GRIA3: variants seen among roughly 807,000 people sequenced by gnomAD.
The protein encoded by GRIA3 is glutamate receptor 3.
In GRIA3, 3 loss-of-function variants were observed where a neutral mutation model predicts 63.0. That is an observed-to-expected ratio of 0.05 (90% CI 0.02 to 0.12). GRIA3 has a LOEUF of 0.12. GRIA3 is among the 10% of genes least tolerant of loss of function. The probability of loss-of-function intolerance (pLI) is 1.00; values close to 1 mark genes in which losing one functional copy is unlikely to be tolerated. For synonymous variants in GRIA3, 274 were observed against 257.9 expected (o/e 1.06, Z -0.60); for missense variants, 347 against 700.9 (o/e 0.50, Z 5.70).
rs937935964 is a variant in GRIA3, at chrX:123,331,541, C to T, written c.696+5328C>T. 2.7e-5 allele frequency among the ~76,000 whole-genome samples: 3 copies of T among 111,236 alleles called. No individual in the cohort carries two copies. The Admixed American group carries it at 2.9e-4, about 11-fold the overall frequency. On this transcript the variant is annotated intron_variant, in intron 4 of 15. Coordinates refer to ENST00000620443, the MANE Select transcript of GRIA3 (RefSeq NM_007325.5). Reference sequence around the variant, plus strand: ...GACAAGTGAAGCAAAAATGTTATAGCTACATGCTTGCTCCCTGCCTCACCC... The same window carrying T: ...GACAAGTGAAGCAAAAATGTTATAGTTACATGCTTGCTCCCTGCCTCACCC...
chrX:123,377,701 T>C (rs192386111), intron 5 of GRIA3, among the ~76,000 whole-genome samples: 62 of 111,873 alleles, frequency 5.5e-4, no homozygotes, highest in African/African-American at 1.9e-3. Context: ...TTTTTGTCTT[T>C]GTGCCAAACT....
At chrX:123,214,553 G>A (rs954347126) in intron 2 of GRIA3, among the ~76,000 whole-genome samples, 2 of 111,448 alleles carry the variant, frequency 1.8e-5, no homozygotes, top group Non-Finnish European at 3.8e-5. Flanking sequence ...GCAGGGAATA[G>A]TAGTCTCCAT....
At chrX:123,316,745 G>C (rs1171730340) in intron 3 of GRIA3, among the ~76,000 whole-genome samples, 1 of 112,205 alleles carries the variant, frequency 8.9e-6, no homozygotes, top group Non-Finnish European at 1.9e-5. Context: ...ATGATATAAT[G>C]CTAGATTTTT....
chrX:123,347,181 G>A (rs2045056604), intron 4 of GRIA3, among the ~76,000 whole-genome samples: 1 of 112,080 alleles, frequency 8.9e-6, no homozygotes, highest in African/African-American at 3.2e-5. Context: ...TCAGAAAGGT[G>A]GATGAGCTGG....
intron 12 of GRIA3, among the ~76,000 whole-genome samples, chrX:123,457,629 G>A (rs949412107): frequency 2.6e-4 from 29 of 112,360 alleles, no homozygotes; most frequent in African/African-American, 9.4e-4. Context: ...CACCAATACT[G>A]TCTTTACAAA....
chrX:123,323,296 T>C (rs1420656072), intron 3 of GRIA3, among the ~76,000 whole-genome samples: 1 of 112,169 alleles, frequency 8.9e-6, no homozygotes, highest in Non-Finnish European at 1.9e-5. Flanking sequence ...GCTTGTTTTT[T>C]CTATTATTAC....
At chrX:123,334,847 G>T (rs1206447252) in intron 4 of GRIA3, among the ~76,000 whole-genome samples, 1 of 110,462 alleles carries the variant, frequency 9.1e-6, no homozygotes, top group African/African-American at 3.3e-5. Flanking sequence ...TATGGAATAT[G>T]ATGGTCTTTT....
In GRIA3 at chrX:123,465,286, A is replaced by C. The variant is rs192371580; in HGVS notation, c.2324+174A>C. ...AATTATGGTTTCATCTATTTAATGC[A>C]TCCATTTTTTTTAATGTTCTCTCTC... On this transcript the variant is annotated intron_variant, in intron 13 of 15. Transcript: ENST00000620443. 5.7e-3 allele frequency among the ~76,000 whole-genome samples: 629 copies of C among 110,432 alleles called. 10 individuals carry two copies. The highest frequency in any genetic ancestry group is 0.019 in the African/African-American group (577 of 30,332).
chrX:123,447,788 G>A (rs1016403104), intron 12 of GRIA3, among the ~76,000 whole-genome samples: 7 of 112,182 alleles, frequency 6.2e-5, no homozygotes, highest in African/African-American at 1.3e-4. Flanking sequence ...ATTAAAAAGC[G>A]TTGGTTCCAT....
At chrX:123,242,419 G>C (rs1240282248) in intron 2 of GRIA3, among the ~76,000 whole-genome samples, 1 of 111,731 alleles carries the variant, frequency 9.0e-6, no homozygotes, top group Non-Finnish European at 1.9e-5. Context: ...TCACTTTCCT[G>C]CACAGCTTTA....
chrX:123,270,329 G>A (rs746653592), intron 3 of GRIA3, among the ~76,000 whole-genome samples: 1 of 112,482 alleles, frequency 8.9e-6, no homozygotes, highest in African/African-American at 3.2e-5. Context: ...CCATTGGAGA[G>A]CATGCAGAAT....
intron 2 of GRIA3, among the ~76,000 whole-genome samples, chrX:123,210,511 C>T (rs1483976885): frequency 9.0e-6 from 1 of 111,383 alleles, no homozygotes; most frequent in African/African-American, 3.3e-5. Context: ...TTGCCTGTAA[C>T]ATTAGGCAAA....
chrX:123,387,748 A>G (rs1237287470), intron 5 of GRIA3, among the ~76,000 whole-genome samples: 1 of 112,609 alleles, frequency 8.9e-6, no homozygotes, highest in Non-Finnish European at 1.9e-5. Flanking sequence ...TGATTTGCAT[A>G]TGTTGAACCA....
chrX:123,463,317 G>A (rs1442654574), intron 12 of GRIA3, among the ~76,000 whole-genome samples: 1 of 108,835 alleles, frequency 9.2e-6, no homozygotes, highest in Non-Finnish European at 1.9e-5. Context: ...GGAGGCTGAG[G>A]AGGGAGATTC....
intron 5 of GRIA3, among the ~76,000 whole-genome samples, chrX:123,378,412 C>CTTTT (rs58776257): frequency 1.0e-5 from 1 of 95,316 alleles, no homozygotes; most frequent in Non-Finnish European, 2.1e-5. Flanking sequence ...ACTTGAGGCA[C>CTTTT]TTTTTTTTTT....
At chrX:123,240,687 G>A (rs1053610983) in intron 2 of GRIA3, among the ~76,000 whole-genome samples, 1 of 111,830 alleles carries the variant, frequency 8.9e-6, no homozygotes, top group African/African-American at 3.2e-5. Context: ...TTTGATCTTA[G>A]GTAATAACAC....
chrX:123,401,654 G>T (rs1253730931), intron 7 of GRIA3, among the ~76,000 whole-genome samples: 2 of 111,593 alleles, frequency 1.8e-5, no homozygotes, highest in Non-Finnish European at 3.8e-5. Context: ...CTTTCAACAG[G>T]AATTCCACAG....
intron 3 of GRIA3, among the ~76,000 whole-genome samples, chrX:123,300,597 G>A (rs1011653554): frequency 3.8e-5 from 4 of 105,592 alleles, no homozygotes; most frequent in South Asian, 8.8e-4. Flanking sequence ...ATCCAGCTCC[G>A]GGATTCATTG....
intron 3 of GRIA3, 142 bp downstream of exon 3, chrX:123,253,684 T>TTAA: frequency 1.8e-6 from 1 of 554,212 alleles, no homozygotes; most frequent in Non-Finnish European, 2.8e-6. Flanking sequence ...AAATCAAAGG[T>TTAA]TAAGATTAAA....
Sources: allele counts gnomAD v4.1 joint callset (sites outside exome capture counted in the v4.1 genomes callset), GRCh38; gene constraint gnomAD v4.1.1; transcripts MANE v1.5; gene names NCBI Gene and HGNC (gene_info 2026-07-23, HGNC 2026-07-21).